Variants in TOX observed in about 807,000 individuals in gnomAD.
TOX encodes the protein thymocyte selection associated high mobility group box, also known as thymocyte selection-associated high mobility group box protein TOX.
A neutral mutation model predicts 53.7 loss-of-function variants in TOX; 11 were observed. That is an observed-to-expected ratio of 0.20 (90% confidence interval 0.13 to 0.34). TOX has a LOEUF of 0.34. Ranked by LOEUF, TOX falls within the 10% of genes least tolerant of loss-of-function variation. The probability of loss-of-function intolerance (pLI) is 1.00; values close to 1 mark genes in which losing one functional copy is unlikely to be tolerated. For missense variants in TOX, 570 were observed against 664.6 expected (o/e 0.86, Z 1.56); for synonymous variants, 225 against 245.3 (o/e 0.92, Z 0.77).
At chr8:58,999,666 CTA>C (rs1813652521) in intron 1 of TOX, among the ~76,000 whole-genome samples, 2 of 152,136 alleles carry the variant, frequency 1.3e-5, no homozygotes, top group Admixed American at 6.5e-5. Context: ...TAGCAGAACT[CTA>C]TGTGTGACAA....
chr8:59,016,306 ATT>A (rs1461043575), intron 1 of TOX, among the ~76,000 whole-genome samples: 2 of 152,258 alleles, frequency 1.3e-5, no homozygotes, highest in African/African-American at 4.8e-5. Flanking sequence ...TTTATGAAGT[ATT>A]TTTATTTACA....
intron 1 of TOX, among the ~76,000 whole-genome samples, chr8:58,981,040 C>G (rs1034030182): frequency 6.6e-6 from 1 of 152,152 alleles, no homozygotes; most frequent in African/African-American, 2.4e-5. Flanking sequence ...TTATATTTCT[C>G]TTGCAGATCT....
At position 58,960,543 on chromosome 8, in the gene TOX, G is replaced by C. The variant is rs557119041; in HGVS notation, c.103-535C>G. Among the ~76,000 whole-genome samples the C allele has an allele frequency of 1.2e-4, 18 of 152,276 alleles. No individual in the cohort carries two copies. The South Asian group carries it at 3.5e-3, about 30-fold the overall frequency. ...TTAACTTTATAATAATATTTGAAAA[G>C]AGCATGTGTCACTACAACCATGGCT... On this transcript the variant is annotated intron_variant, in intron 1 of 8. Transcript: ENST00000361421.
At chr8:58,908,096 C>G (rs1383158519) in intron 3 of TOX, among the ~76,000 whole-genome samples, 1 of 152,106 alleles carries the variant, frequency 6.6e-6, no homozygotes, top group African/African-American at 2.4e-5. Context: ...TCTGCCTTTC[C>G]CAGAGCCCCC....
chr8:58,914,513 A>T (rs963578769), intron 3 of TOX, among the ~76,000 whole-genome samples: 2 of 152,164 alleles, frequency 1.3e-5, no homozygotes, highest in South Asian at 4.2e-4. Context: ...GATATTTGTC[A>T]ATGTCTGGAC....
chr8:59,048,514 G>A (rs748848517), intron 1 of TOX, among the ~76,000 whole-genome samples: 6 of 152,102 alleles, frequency 3.9e-5, no homozygotes, highest in Non-Finnish European at 8.8e-5. Context: ...AAAATTTCTG[G>A]TCTTCTGGCT....
rs371776930 is a variant in TOX, at chr8:58,960,260, A to G, written c.103-252T>C. ...CTAGTAATTACAGCAAGCAAGCAAG[A>G]AATGAATGGTTTCCTTTCATCTGCA... On this transcript the variant is annotated intron_variant, in intron 1 of 8. Transcript: ENST00000361421. Among the ~76,000 whole-genome samples, 49 of 152,330 alleles carry G rather than the reference A, an allele frequency of 3.2e-4. 1 individual carries two copies. The highest frequency in any genetic ancestry group is 1.2e-3 in the African/African-American group (48 of 41,580).
At chr8:58,878,547 T>C (rs1384574008) in intron 3 of TOX, among the ~76,000 whole-genome samples, 6 of 152,234 alleles carry the variant, frequency 3.9e-5, no homozygotes, top group African/African-American at 1.4e-4. Context: ...AGTCAAGCTC[T>C]ATTTTACAGT....
intron 1 of TOX, among the ~76,000 whole-genome samples, chr8:59,093,147 C>G: frequency 6.6e-6 from 1 of 152,334 alleles, no homozygotes; most frequent in East Asian, 1.9e-4. Context: ...CTGCAGCTCA[C>G]GCCTTTTTAA....
intron 1 of TOX, among the ~76,000 whole-genome samples, chr8:59,011,486 C>T (rs1813903463): frequency 6.6e-6 from 1 of 152,214 alleles, no homozygotes; most frequent in Admixed American, 6.5e-5. Flanking sequence ...GCCTCCTGAA[C>T]ATGGCAGTCT....
chr8:59,003,159 C>A (rs1027418510), intron 1 of TOX, among the ~76,000 whole-genome samples: 1 of 152,126 alleles, frequency 6.6e-6, no homozygotes, highest in Non-Finnish European at 1.5e-5. Context: ...TACACATTGA[C>A]CCTTTTTCAT....
chr8:58,846,613 G>A (rs1810723394), intron 4 of TOX, among the ~76,000 whole-genome samples: 1 of 152,078 alleles, frequency 6.6e-6, no homozygotes, highest in Non-Finnish European at 1.5e-5. Flanking sequence ...TCCTGCTTCT[G>A]TCTAGTGTGG....
chr8:58,975,803 G>A (rs1054621117), intron 1 of TOX, among the ~76,000 whole-genome samples: 1 of 152,126 alleles, frequency 6.6e-6, no homozygotes, highest in Non-Finnish European at 1.5e-5. Flanking sequence ...GCCAGGCGCA[G>A]TGGCTCAATC....
chr8:58,848,772 T>G (rs967873763), intron 4 of TOX, among the ~76,000 whole-genome samples: 2 of 152,124 alleles, frequency 1.3e-5, no homozygotes, highest in Non-Finnish European at 2.9e-5. Flanking sequence ...AGGTGATAAT[T>G]TATTTTACTG....
intron 3 of TOX, among the ~76,000 whole-genome samples, chr8:58,864,537 T>C (rs921232221): frequency 6.6e-6 from 1 of 152,182 alleles, no homozygotes; most frequent in African/African-American, 2.4e-5. Flanking sequence ...CATTTATGGG[T>C]ACAGCAACAG....
chr8:58,960,137 C>A, intron 1 of TOX, 129 bp from the exon 2 acceptor site: 1 of 968,378 alleles, frequency 1.0e-6, no homozygotes, highest in South Asian at 1.5e-5. Flanking sequence ...GCGGCTGGGA[C>A]TATGGAAAAT....
intron 2 of TOX, among the ~76,000 whole-genome samples, chr8:58,955,218 G>T (rs2129177994): frequency 6.6e-6 from 1 of 152,236 alleles, no homozygotes; most frequent in Admixed American, 6.5e-5. Context: ...GGTGCTGGGG[G>T]TCGGGAGAGA....
chr8:58,896,147 G>C (rs1346634982), intron 3 of TOX, among the ~76,000 whole-genome samples: 2 of 152,172 alleles, frequency 1.3e-5, no homozygotes, highest in South Asian at 4.2e-4. Context: ...GTCAAAAAGT[G>C]GGATAAAATC....
In TOX at chr8:58,923,492, C is replaced by T. The variant is rs949855845; in HGVS notation, c.411+15810G>A. On this transcript the variant is annotated intron_variant, in intron 3 of 8. Transcript: ENST00000361421. ...CATAATACTCACTCAGTGAAACTTC[C>T]TCACTCCAAAAACGTCTTCTTCCCC... Among the ~76,000 whole-genome samples, 3 of 152,274 alleles carry T rather than the reference C, an allele frequency of 2.0e-5. No individual in the cohort carries two copies. In the East Asian group the frequency reaches 5.8e-4, roughly 29 times the overall value.
Sources: gnomAD v4.1 joint callset for allele counts (sites outside exome capture counted in the v4.1 genomes callset) on GRCh38, gnomAD v4.1.1 for gene constraint, MANE v1.5 for transcripts, NCBI Gene and HGNC (gene_info 2026-07-23, HGNC 2026-07-21) for gene names.